The following ZFR2 variants were observed in gnomAD, a reference collection of about 807,000 sequenced individuals.
ZFR2 encodes the protein zinc finger RNA-binding protein 2.
A neutral mutation model predicts 105.7 loss-of-function variants in ZFR2; 104 were observed. That is an observed-to-expected ratio of 0.98 (90% confidence interval 0.84 to 1.16). ZFR2 has a LOEUF of 1.16. Ranked by LOEUF, ZFR2 falls within the 50% of genes most tolerant of loss-of-function variation. The probability of loss-of-function intolerance (pLI) is 0.00; values close to 1 mark genes in which losing one functional copy is unlikely to be tolerated. For synonymous variants in ZFR2, 634 were observed against 597.7 expected (o/e 1.06, Z -0.89); for missense variants, 1,425 against 1,355.5 (o/e 1.05, Z -0.80).
chr19:3,846,064 C>T (rs1388148913), intron 1 of ZFR2, among the ~76,000 whole-genome samples: 1 of 152,230 alleles, frequency 6.6e-6, no homozygotes, highest in Admixed American at 6.5e-5. Context: ...GCAACCTCTG[C>T]CCCCCAGGTT....
chr19:3,819,371 T>C lies in ZFR2; in HGVS notation c.1741-136A>G, dbSNP rs2145144734. The C allele has an allele frequency of 3.2e-6, 3 of 927,918 alleles. No homozygotes were observed. In the African/African-American group the frequency reaches 5.1e-5, roughly 16 times the overall value. The allele number at this position is 927,918 out of a possible 1,614,324, so 57.5% of individuals were successfully genotyped here. On this transcript the variant is annotated intron_variant, in intron 11 of 18. Coordinates refer to ENST00000262961, the MANE Select transcript of ZFR2 (RefSeq NM_015174.2). Reference sequence around the variant, plus strand: ...GCAGCGTGGCCAGGTGAGAATCCAGTGCACACAGAGAGCCCCGGGGTGGGG... The same window carrying C: ...GCAGCGTGGCCAGGTGAGAATCCAGCGCACACAGAGAGCCCCGGGGTGGGG...
intron 1 of ZFR2, among the ~76,000 whole-genome samples, chr19:3,846,788 G>A (rs2038188605): frequency 6.6e-6 from 1 of 152,152 alleles, no homozygotes; most frequent in Admixed American, 6.5e-5. Flanking sequence ...AGAAAAGACT[G>A]TTTACTTTGA....
rs142686872 is a variant in ZFR2, at chr19:3,831,739, G to A, written c.519C>T (p.Gly173=). 3.4e-3 allele frequency: 5,489 copies of A among 1,605,416 alleles called. 57 individuals are homozygous for A. Among genetic ancestry groups the A allele is most frequent in the East Asian group, 0.032 (1,422 of 44,672 alleles). ...TGGAAGCTGACGACTCGGGCTGGAC[G>A]CCTGTCGCCGTGGGGTAGGTGTATC... ...SSGYTYPTAT[G]VQPESSASIV... Residue 173 remains glycine, a synonymous_variant, in exon 4 of 19, where the codon GGC becomes GGT. Transcript: ENST00000262961.
chr19:3,812,101 G>A (rs1476772735), intron 14 of ZFR2, among the ~76,000 whole-genome samples: 6 of 151,884 alleles, frequency 4.0e-5, no homozygotes, highest in Non-Finnish European at 8.8e-5. Flanking sequence ...ACGCCACCAC[G>A]CCCAGCTAAT....
At chr19:3,827,224 A>G (rs1437205720) in intron 6 of ZFR2, among the ~76,000 whole-genome samples, 1 of 152,238 alleles carries the variant, frequency 6.6e-6, no homozygotes. Flanking sequence ...CCTGGGGAAC[A>G]GGACGAGACT....
intron 1 of ZFR2, among the ~76,000 whole-genome samples, chr19:3,868,541 T>C (rs1009262790): frequency 4.0e-5 from 6 of 151,400 alleles, no homozygotes; most frequent in African/African-American, 1.5e-4. Flanking sequence ...CCTCCCTGCA[T>C]TGGGTCAGTT....
intron 11 of ZFR2, 88 bp from the exon 12 acceptor site, chr19:3,819,323 GT>G: frequency 9.2e-7 from 1 of 1,089,904 alleles, no homozygotes; most frequent in South Asian, 1.6e-5. Flanking sequence ...GCAGGTGGCC[GT>G]GGCCAGCCAG....
rs532143027 is a variant in ZFR2 at position 3,841,928 on chromosome 19, A to G, written c.54-6945T>C. ...CAGCCTCCCAAGTAGCTAGGATTACAAGCGTGAGCCACTGTACCTGGCCAA... is the reference window on the plus strand; with the variant it reads ...CAGCCTCCCAAGTAGCTAGGATTACGAGCGTGAGCCACTGTACCTGGCCAA... On this transcript the variant is annotated intron_variant, in intron 1 of 18. Transcript: ENST00000262961. Among the ~76,000 whole-genome samples, 32 of 152,194 alleles carry G rather than the reference A, an allele frequency of 2.1e-4. 1 individual carries two copies. In the South Asian group the frequency reaches 6.6e-3, roughly 32 times the overall value.
chr19:3,810,628 A>G, intron 16 of ZFR2, 122 bp downstream of exon 16: 4 of 899,582 alleles, frequency 4.4e-6, no homozygotes, highest in Non-Finnish European at 6.4e-6. Flanking sequence ...GCCTCTCCTG[A>G]GTACTAGGTC....
rs959504961 is a variant in ZFR2, at chr19:3,827,496, T to C, written c.1010A>G (p.His337Arg). ...SCTGADAYAA[H>R]IRGSKHQKVF... Reference sequence around the variant, plus strand: ...CTTCTGGTGCTTGGATCCCCGGATGTGGGCCGCGTAGGCGTCCGCCCCGGT... The same window carrying C: ...CTTCTGGTGCTTGGATCCCCGGATGCGGGCCGCGTAGGCGTCCGCCCCGGT... Residue 337 changes from histidine (H) to arginine (R), a missense_variant, in exon 6 of 19, where the codon CAC becomes CGC. By Grantham distance (29) the His-to-Arg change is conservative (BLOSUM62 0). Coordinates refer to ENST00000262961, the MANE Select transcript of ZFR2 (RefSeq NM_015174.2). The C allele has an allele frequency of 9.7e-6, 15 of 1,552,872 alleles. No individual in the cohort carries two copies. Among genetic ancestry groups the C allele is most frequent in the South Asian group, 1.2e-5 (1 of 84,374 alleles).
At chr19:3,859,567 G>A (rs754491151) in intron 1 of ZFR2, among the ~76,000 whole-genome samples, 3 of 152,200 alleles carry the variant, frequency 2.0e-5, no homozygotes, top group Non-Finnish European at 2.9e-5. Flanking sequence ...CTGCACTCCC[G>A]CGTTCTGACC....
intron 1 of ZFR2, among the ~76,000 whole-genome samples, chr19:3,864,220 A>G (rs549976882): frequency 5.4e-4 from 82 of 152,010 alleles, no homozygotes; most frequent in Non-Finnish European, 7.5e-4. Context: ...ATCTCTACAA[A>G]AATAAATATC....
chr19:3,811,460 C>CCCT, intron 14 of ZFR2, 94 bp from the exon 15 acceptor site: 1 of 884,546 alleles, frequency 1.1e-6, no homozygotes, highest in Non-Finnish European at 1.6e-6. Flanking sequence ...CCCCTCGACG[C>CCCT]TTTTTTTTTT....
intron 1 of ZFR2, among the ~76,000 whole-genome samples, chr19:3,849,833 C>A (rs138423589): frequency 2.0e-5 from 3 of 152,142 alleles, no homozygotes; most frequent in African/African-American, 4.8e-5. Flanking sequence ...TGAGCCAGGG[C>A]GCAGGGAAAA....
intron 17 of ZFR2, 106 bp downstream of exon 17, chr19:3,808,766 G>A: frequency 1.0e-6 from 1 of 967,280 alleles, no homozygotes. Flanking sequence ...GCCTGGGCTG[G>A]ACACTTCCTC....
intron 13 of ZFR2, 144 bp from the exon 14 acceptor site, chr19:3,814,102 G>A (rs1181485911): frequency 8.0e-7 from 1 of 1,243,152 alleles, no homozygotes; most frequent in African/African-American, 1.5e-5. Flanking sequence ...TGTGCCCTGT[G>A]TCTGGAACCT....
chr19:3,812,079 G>T (rs921637464), intron 14 of ZFR2, among the ~76,000 whole-genome samples: 1 of 152,090 alleles, frequency 6.6e-6, no homozygotes, highest in African/African-American at 2.4e-5. Flanking sequence ...GAGTAGCTGG[G>T]ATTACCGGCG....
chr19:3,808,408 CAT>C (rs1332637478), intron 17 of ZFR2, among the ~76,000 whole-genome samples: 3 of 152,270 alleles, frequency 2.0e-5, no homozygotes, highest in Non-Finnish European at 2.9e-5. Context: ...CACCCTCTCA[CAT>C]GTGTGTCCTG....
rs138959326 is a variant in ZFR2 at position 3,836,231 on chromosome 19, T to G, written c.54-1248A>C. Among the ~76,000 whole-genome samples the G allele has an allele frequency of 3.1e-3, 479 of 152,302 alleles. 2 individuals are homozygous for G. Among genetic ancestry groups the G allele is most frequent in the African/African-American group, 0.011 (468 of 41,544 alleles). On this transcript the variant is annotated intron_variant, in intron 1 of 18. Coordinates refer to ENST00000262961, the MANE Select transcript of ZFR2 (RefSeq NM_015174.2). ...AAACCCCATACATGTTCAGTACAGA[T>G]GCATTTTTTTCCCAAATATTTTCCA...
Sources: allele counts gnomAD v4.1 joint callset (sites outside exome capture counted in the v4.1 genomes callset), GRCh38; gene constraint gnomAD v4.1.1; transcripts MANE v1.5; gene names NCBI Gene and HGNC (gene_info 2026-07-23, HGNC 2026-07-21).